CDH4: variants seen among roughly 807,000 people sequenced by gnomAD.
The protein encoded by CDH4 is cadherin 4.
In CDH4, 33 loss-of-function variants were observed where a neutral mutation model predicts 86.0. That is an observed-to-expected ratio of 0.38 (90% CI 0.29 to 0.51). The LOEUF (loss-of-function observed/expected upper bound fraction) is 0.51, where lower values mean the gene tolerates loss of function less well. CDH4 is among the 20% of genes least tolerant of loss of function. CDH4 has a pLI of 0.86. For synonymous variants in CDH4, 555 were observed against 549.4 expected, an observed-to-expected ratio of 1.01 and a Z score of -0.14; for missense variants, 1,114 against 1,307.4, an observed-to-expected ratio of 0.85 and a Z score of 2.28.
intron 2 of CDH4, among the ~76,000 whole-genome samples, chr20:61,631,932 T>C (rs2145788968): frequency 1.3e-5 from 2 of 152,318 alleles, no homozygotes; most frequent in Middle Eastern, 3.4e-3. Flanking sequence ...GCCGCTGCCA[T>C]AAGGAGCCAG....
rs375181267 is a variant in CDH4 at position 61,626,995 on chromosome 20, G to T, written c.170-116568G>T. 7.2e-5 allele frequency among the ~76,000 whole-genome samples: 11 copies of T among 152,282 alleles called. No homozygotes were observed. In the East Asian group the frequency reaches 2.1e-3, roughly 30 times the overall value. On this transcript the variant is annotated intron_variant, in intron 2 of 15. Coordinates refer to ENST00000614565, the MANE Select transcript of CDH4 (RefSeq NM_001794.5). ...GGACCCTACCCTGGCTCACACGGTG[G>T]CAAGAGGAGCCTCAGCTCCAATCAC...
At chr20:61,307,981 G>T (rs550882581) in intron 2 of CDH4, among the ~76,000 whole-genome samples, 11 of 152,342 alleles carry the variant, frequency 7.2e-5, no homozygotes, top group African/African-American at 2.4e-4. Flanking sequence ...CATATGTGGT[G>T]ACTGCCCACT....
intron 2 of CDH4, among the ~76,000 whole-genome samples, chr20:61,661,492 T>TA (rs11474512): frequency 2.0e-5 from 3 of 150,086 alleles, no homozygotes; most frequent in Non-Finnish European, 4.4e-5. Context: ...TTTTTTTTTT[T>TA]AACACTCATA....
At chr20:61,771,638 A>AG (rs60154042) in intron 3 of CDH4, among the ~76,000 whole-genome samples, 2 of 150,954 alleles carry the variant, frequency 1.3e-5, no homozygotes, top group East Asian at 2.0e-4. Flanking sequence ...AAAAAAAAAA[A>AG]GGAAAAAATG....
rs543032608 is a variant in CDH4 at position 61,693,507 on chromosome 20, A to G, written c.170-50056A>G. Among the ~76,000 whole-genome samples the G allele has an allele frequency of 8.3e-4, 127 of 152,366 alleles. 2 individuals carry two copies. Among genetic ancestry groups the G allele is most frequent in the African/African-American group, 2.9e-3 (121 of 41,596 alleles). ...GTCCCCAAGGCCGAAGGCACTGGTC[A>G]TGCTTGGCCTCTGCCACTCAGCACC... On this transcript the variant is annotated intron_variant, in intron 2 of 15. Coordinates refer to ENST00000614565, the MANE Select transcript of CDH4 (RefSeq NM_001794.5).
chr20:61,435,519 G>GA (rs1289536403), intron 2 of CDH4: 3 of 152,650 alleles, frequency 2.0e-5, no homozygotes, highest in Non-Finnish European at 4.4e-5. Flanking sequence ...GTGGAGGATG[G>GA]AAAGTAAGAT....
At position 61,811,973 on chromosome 20, in the gene CDH4, C is replaced by A. The variant is rs1023665517; in HGVS notation, c.577-32695C>A. Among the ~76,000 whole-genome samples, 1 of 152,110 alleles carries A rather than the reference C, an allele frequency of 6.6e-6. No homozygotes were observed. The highest frequency in any genetic ancestry group is 6.5e-5 in the Admixed American group (1 of 15,268). ...AGGCATGAGCCACTGCACCTAGCCGCCTGCTGTCCTTCAGACTCCCCGCCT... is the reference window on the plus strand; with the variant it reads ...AGGCATGAGCCACTGCACCTAGCCGACTGCTGTCCTTCAGACTCCCCGCCT... On this transcript the variant is annotated intron_variant, in intron 4 of 15. Coordinates refer to ENST00000614565, the MANE Select transcript of CDH4 (RefSeq NM_001794.5). The surrounding 1 kb of genome is among the most constrained non-coding windows in gnomAD (Gnocchi z 4.4).
intron 3 of CDH4, among the ~76,000 whole-genome samples, chr20:61,770,658 A>C (rs570546901): frequency 2.6e-5 from 4 of 152,156 alleles, no homozygotes; most frequent in African/African-American, 7.2e-5. Context: ...CTGAGACGGG[A>C]GGATCACAAG....
At chr20:61,445,566 T>C (rs978898243) in intron 2 of CDH4, among the ~76,000 whole-genome samples, 1 of 148,554 alleles carries the variant, frequency 6.7e-6, no homozygotes, top group East Asian at 2.1e-4. Context: ...CCTCCCCCTC[T>C]CCCCTCCCTT....
Position 61,400,233 on chromosome 20 carries a change from A to G in CDH4, c.169+145296A>G, listed in dbSNP as rs550346340. On this transcript the variant is annotated intron_variant, in intron 2 of 15. Coordinates refer to ENST00000614565, the MANE Select transcript of CDH4 (RefSeq NM_001794.5). The stretch of plus-strand genomic sequence containing the variant: ...ATCTGCAGAAACTCCTGGAGACCTG[A>G]ATGTTTCGTCTGTCAAAAGATGATG... 2.0e-5 allele frequency among the ~76,000 whole-genome samples: 3 copies of G among 152,288 alleles called. No homozygotes were observed. The South Asian group carries it at 6.2e-4, about 32-fold the overall frequency.
chr20:61,547,521 C>T (rs994031946), intron 2 of CDH4, among the ~76,000 whole-genome samples: 4 of 147,952 alleles, frequency 2.7e-5, no homozygotes, highest in Non-Finnish European at 6.0e-5. Flanking sequence ...GCCCAGAGTA[C>T]TTTCTGCTCT....
At chr20:61,666,879 CT>C (rs1568743749) in intron 2 of CDH4, among the ~76,000 whole-genome samples, 2 of 152,244 alleles carry the variant, frequency 1.3e-5, no homozygotes, top group Non-Finnish European at 2.9e-5. Flanking sequence ...TCCGCTTCCC[CT>C]GGGAGTGTGG....
Position 61,417,188 on chromosome 20 carries a change from C to A in CDH4, c.169+162251C>A, listed in dbSNP as rs577058574. Among the ~76,000 whole-genome samples, 1 of 152,232 alleles carries A rather than the reference C, an allele frequency of 6.6e-6. No homozygotes were observed. Among genetic ancestry groups the A allele is most frequent in the South Asian group, 2.1e-4 (1 of 4,808 alleles). On this transcript the variant is annotated intron_variant, in intron 2 of 15. Coordinates refer to ENST00000614565, the MANE Select transcript of CDH4 (RefSeq NM_001794.5). This position sits in a 1 kb window ranked among gnomAD's most constrained non-coding sequence, Gnocchi z 4.0. ...AGAAAAGGACTCTGTTGGGGGCATG[C>A]AGTCCTGGTCTCCAAGAGACTCACT...
chr20:61,594,569 G>A (rs2086542088), intron 2 of CDH4, among the ~76,000 whole-genome samples: 1 of 152,304 alleles, frequency 6.6e-6, no homozygotes, highest in South Asian at 2.1e-4. Flanking sequence ...AGCTCAGTGG[G>A]GCTCGAGGGT....
intron 2 of CDH4, among the ~76,000 whole-genome samples, chr20:61,413,255 C>G (rs1233480718): frequency 1.3e-5 from 2 of 148,758 alleles, no homozygotes; most frequent in Non-Finnish European, 3.0e-5. Flanking sequence ...TCACCGCTGG[C>G]CTGGAAGTGC....
At chr20:61,542,514 T>C (rs1055396436) in intron 2 of CDH4, among the ~76,000 whole-genome samples, 3 of 152,230 alleles carry the variant, frequency 2.0e-5, no homozygotes, top group African/African-American at 7.2e-5. Flanking sequence ...GTCTCAGTTA[T>C]GAGGCTTTGA....
intron 5 of CDH4, 43 bp downstream of exon 5, chr20:61,844,866 G>T: frequency 6.4e-7 from 1 of 1,572,774 alleles, no homozygotes; most frequent in Non-Finnish European, 8.7e-7. Context: ...CTGGGGTGGC[G>T]ATCCCAGCCC....
chr20:61,338,086 T>A (rs2084629268), intron 2 of CDH4, among the ~76,000 whole-genome samples: 1 of 152,148 alleles, frequency 6.6e-6, no homozygotes, highest in Admixed American at 6.5e-5. Context: ...TAAGGAGAGA[T>A]CAGAGTCATT....
intron 2 of CDH4, among the ~76,000 whole-genome samples, chr20:61,591,679 C>G (rs1248862098): frequency 6.6e-6 from 1 of 152,236 alleles, no homozygotes; most frequent in African/African-American, 2.4e-5. Context: ...CATTGAACTT[C>G]TGCTCTGTTC....
Sources: allele counts gnomAD v4.1 joint callset (sites outside exome capture counted in the v4.1 genomes callset), GRCh38; gene constraint gnomAD v4.1.1; non-coding constraint Gnocchi (gnomAD v3.1); transcripts MANE v1.5; gene names NCBI Gene and HGNC (gene_info 2026-07-23, HGNC 2026-07-21).